Variants in ITPK1 observed in about 807,000 individuals in gnomAD.
ITPK1 encodes the protein inositol-tetrakisphosphate 1-kinase, also known as inositol 1,3,4-trisphosphate 5/6-kinase.
A neutral mutation model predicts 45.3 loss-of-function variants in ITPK1; 21 were observed. The ratio of observed to expected loss-of-function variants is 0.46; its 90% CI spans 0.33 to 0.67. ITPK1 has a LOEUF of 0.67. Among genes scored for constraint, ITPK1 ranks in the 30% least tolerant of loss-of-function variants. The pLI, the probability that ITPK1 is intolerant of heterozygous loss-of-function variation, is 0.02. For synonymous variants in ITPK1, 258 were observed against 253.6 expected (o/e 1.02, Z -0.16); for missense variants, 474 against 573.5 (o/e 0.83, Z 1.77).
chr14:93,073,669 G>T (rs1456431684), intron 3 of ITPK1, among the ~76,000 whole-genome samples: 1 of 152,148 alleles, frequency 6.6e-6, no homozygotes, highest in Non-Finnish European at 1.5e-5. Flanking sequence ...AGGAACAGAA[G>T]CATTTAGTAA....
chr14:93,008,553 T>C (rs1051099379), intron 4 of ITPK1, among the ~76,000 whole-genome samples: 1 of 152,310 alleles, frequency 6.6e-6, no homozygotes, highest in Admixed American at 6.5e-5. Context: ...GGCAGGGACC[T>C]ATAGGGAGGG....
intron 2 of ITPK1, among the ~76,000 whole-genome samples, chr14:93,114,397 C>A (rs932344581): frequency 6.6e-6 from 1 of 152,232 alleles, no homozygotes; most frequent in Non-Finnish European, 1.5e-5. Context: ...TTCTACGCAC[C>A]AGCCACTCCC....
intron 2 of ITPK1, among the ~76,000 whole-genome samples, chr14:93,097,971 A>G (rs1021286317): frequency 6.6e-6 from 1 of 152,080 alleles, no homozygotes; most frequent in South Asian, 2.1e-4. Flanking sequence ...ATTGCCGCCA[A>G]TGCACTCCAG....
intron 3 of ITPK1, among the ~76,000 whole-genome samples, chr14:93,074,971 T>A (rs1280864154): frequency 1.3e-5 from 2 of 152,056 alleles, no homozygotes; most frequent in Non-Finnish European, 2.9e-5. Context: ...CACACACCCC[T>A]AAGCCATTCC....
chr14:93,026,898 C>T (rs1399250268), intron 3 of ITPK1, among the ~76,000 whole-genome samples: 1 of 152,162 alleles, frequency 6.6e-6, no homozygotes, highest in African/African-American at 2.4e-5. Context: ...TCAACATGTG[C>T]TTGTACAGTA....
chr14:93,091,318 G>A (rs894358577), intron 2 of ITPK1, among the ~76,000 whole-genome samples: 2 of 152,088 alleles, frequency 1.3e-5, no homozygotes, highest in Non-Finnish European at 2.9e-5. Flanking sequence ...AGCCAACAAC[G>A]GCGCCAGGGC....
chr14:93,074,717 G>A (rs1416053744), intron 3 of ITPK1, among the ~76,000 whole-genome samples: 1 of 152,230 alleles, frequency 6.6e-6, no homozygotes, highest in African/African-American at 2.4e-5. Context: ...AGCAGCATCT[G>A]TAAAGGATCC....
At chr14:93,081,164 G>A (rs1052870292) in intron 2 of ITPK1, among the ~76,000 whole-genome samples, 12 of 151,564 alleles carry the variant, frequency 7.9e-5, no homozygotes, top group Admixed American at 1.3e-4. Flanking sequence ...GTAAAACCTC[G>A]TCTCTATAAG....
In ITPK1 at chr14:93,108,637, C is replaced by T. The variant is rs566551872; in HGVS notation, c.95+6432G>A. Among the ~76,000 whole-genome samples the T allele has an allele frequency of 2.0e-5, 3 of 152,380 alleles. No homozygotes were observed. The East Asian group carries it at 5.8e-4, about 29-fold the overall frequency. On this transcript the variant is annotated intron_variant, in intron 2 of 10. Transcript: ENST00000267615. ...CACAGATTTGTCCCGGCCCTGAGCG[C>T]AGGAGGGTGCGCAGCACAGGCTCTC... is the stretch of plus-strand genomic sequence containing the variant.
chr14:92,983,609 T>C (rs1886332334), intron 5 of ITPK1, among the ~76,000 whole-genome samples: 1 of 152,138 alleles, frequency 6.6e-6, no homozygotes, highest in Non-Finnish European at 1.5e-5. Context: ...ATTGTGCCAA[T>C]AACGACAAAC....
chr14:92,954,876 C>G (rs573186602), intron 8 of ITPK1, among the ~76,000 whole-genome samples: 2 of 152,312 alleles, frequency 1.3e-5, no homozygotes, highest in South Asian at 4.1e-4. Context: ...TTCCAAGTGG[C>G]TCCCCTCACC....
intron 3 of ITPK1, among the ~76,000 whole-genome samples, chr14:93,024,185 G>A (rs1255242357): frequency 1.3e-5 from 2 of 152,188 alleles, no homozygotes; most frequent in Non-Finnish European, 2.9e-5. Flanking sequence ...TGAACCTCCT[G>A]TTGCCAGGCC....
intron 2 of ITPK1, among the ~76,000 whole-genome samples, chr14:93,109,926 C>T (rs1176678407): frequency 5.9e-5 from 9 of 152,212 alleles, no homozygotes. Flanking sequence ...TGGGCAGAGA[C>T]CCACTCACTC....
At chr14:93,047,832 T>G (rs1889847444) in intron 3 of ITPK1, among the ~76,000 whole-genome samples, 1 of 152,250 alleles carries the variant, frequency 6.6e-6, no homozygotes. Context: ...ATCTGCTTCC[T>G]GCAGGGCTGT....
chr14:93,047,003 C>T (rs1889806608), intron 3 of ITPK1, among the ~76,000 whole-genome samples: 1 of 152,198 alleles, frequency 6.6e-6, no homozygotes, highest in African/African-American at 2.4e-5. Context: ...AACTAAGCGC[C>T]CCCTCCTGCA....
intron 4 of ITPK1, among the ~76,000 whole-genome samples, chr14:92,996,228 T>G (rs1011892551): frequency 3.9e-5 from 6 of 152,054 alleles, no homozygotes; most frequent in African/African-American, 1.4e-4. Flanking sequence ...GCCTTGGCAA[T>G]AGAGTAAGAC....
At chr14:92,984,945 G>A (rs1886422069) in intron 5 of ITPK1, among the ~76,000 whole-genome samples, 2 of 152,164 alleles carry the variant, frequency 1.3e-5, no homozygotes, top group South Asian at 4.1e-4. Flanking sequence ...CAACTACAAA[G>A]GAAAAAATAG....
intron 3 of ITPK1, among the ~76,000 whole-genome samples, chr14:93,047,367 C>T (rs918647502): frequency 1.3e-5 from 2 of 152,232 alleles, no homozygotes; most frequent in Non-Finnish European, 1.5e-5. Flanking sequence ...GAAGTCCTAA[C>T]CTCTGGTACC....
At chr14:92,999,298 G>A (rs953387653) in intron 4 of ITPK1, among the ~76,000 whole-genome samples, 1 of 152,224 alleles carries the variant, frequency 6.6e-6, no homozygotes, top group African/African-American at 2.4e-5. Context: ...AGGGTGGCAG[G>A]GTTTCTCCCC....
Sources: allele counts gnomAD v4.1 joint callset (sites outside exome capture counted in the v4.1 genomes callset), GRCh38; gene constraint gnomAD v4.1.1; transcripts MANE v1.5; gene names NCBI Gene and HGNC (gene_info 2026-07-23, HGNC 2026-07-21).